Variants in NHS observed in about 807,000 individuals in gnomAD.
NHS encodes the protein NHS actin remodeling regulator.
NHS carries 5 observed loss-of-function variants against 72.5 expected under a neutral mutation model. That is an observed-to-expected ratio of 0.07 (90% CI 0.04 to 0.14). NHS has a LOEUF of 0.14. Ranked by LOEUF, NHS falls within the 10% of genes least tolerant of loss-of-function variation. The pLI is 1.00. For synonymous variants in NHS, 464 were observed against 547.7 expected, an observed-to-expected ratio of 0.85 and a Z score of 2.13; for missense variants, 1,072 against 1,355.7, an observed-to-expected ratio of 0.79 and a Z score of 3.29.
Position 17,721,466 on chromosome X carries a change from C to G in NHS, c.941C>G (p.Thr314Arg), listed in dbSNP as rs897875994. Residue 314 changes from threonine (T) to arginine (R), a missense_variant, in exon 5 of 9, where the codon ACA (threonine) becomes AGA (arginine). Thr to Arg is a moderately conservative substitution (Grantham distance 71). Transcript: ENST00000676302. ...RKSHPPEDED[T>R]DVMLGQRPKN... is the part of the protein sequence containing the mutation. ...TCCCATCCCCCAGAGGATGAAGATA[C>G]AGATGTCATGTTAGGGCAGAGGCCG... 8.3e-7 allele frequency: 1 copy of G among 1,209,450 alleles called. No homozygotes were observed. The highest frequency in any genetic ancestry group is 1.1e-6 in the Non-Finnish European group (1 of 895,056).
chrX:17,558,398 A>G, intron 1 of NHS, among the ~76,000 whole-genome samples: 1 of 112,299 alleles, frequency 8.9e-6, no homozygotes, highest in Non-Finnish European at 1.9e-5. Flanking sequence ...AAGTGCTTTT[A>G]TTTCTTCAAC....
chrX:17,668,218 G>A (rs990974497), intron 1 of NHS, among the ~76,000 whole-genome samples: 2 of 110,783 alleles, frequency 1.8e-5, no homozygotes, highest in Admixed American at 9.6e-5. Flanking sequence ...CTATGATCAC[G>A]TCACTGCACT....
At chrX:17,528,900 A>G (rs895867052) in intron 1 of NHS, 2 of 111,833 alleles carry the variant, frequency 1.8e-5, no homozygotes, top group African/African-American at 6.5e-5. Flanking sequence ...GGGCACTTTC[A>G]CAAATACCAG....
intron 1 of NHS, among the ~76,000 whole-genome samples, chrX:17,658,541 G>A (rs757137376): frequency 8.9e-6 from 1 of 111,995 alleles, no homozygotes; most frequent in Admixed American, 9.4e-5. Flanking sequence ...GGAAGGAAGA[G>A]ACCAGGAAAC....
At chrX:17,693,752 A>G (rs1284385401) in intron 3 of NHS, among the ~76,000 whole-genome samples, 3 of 112,770 alleles carry the variant, frequency 2.7e-5, no homozygotes, top group African/African-American at 9.7e-5. Context: ...CACTTACTAC[A>G]TTGCTGCACT....
chrX:17,668,193 C>T (rs1030707565), intron 1 of NHS, among the ~76,000 whole-genome samples: 1 of 109,965 alleles, frequency 9.1e-6, no homozygotes, highest in Non-Finnish European at 1.9e-5. Context: ...CCCAAGAGGT[C>T]AAGGCTGTAG....
At chrX:17,519,784 G>A (rs1329219453) in intron 1 of NHS, among the ~76,000 whole-genome samples, 1 of 110,661 alleles carries the variant, frequency 9.0e-6, no homozygotes, top group Non-Finnish European at 1.9e-5. Flanking sequence ...GGACTTAGGG[G>A]AAGGAAGAGA....
At chrX:17,722,600 G>A (rs2066412904) in intron 5 of NHS, among the ~76,000 whole-genome samples, 1 of 110,951 alleles carries the variant, frequency 9.0e-6, no homozygotes, top group Non-Finnish European at 1.9e-5. Context: ...TTTTTCCTGA[G>A]AAAAAAGGAG....
chrX:17,430,094 C>A (rs2064680970), intron 1 of NHS, among the ~76,000 whole-genome samples: 1 of 103,091 alleles, frequency 9.7e-6, no homozygotes, highest in Non-Finnish European at 2.0e-5. Flanking sequence ...TTCCTTCCTT[C>A]CTTCCTTCCT....
At chrX:17,429,310 T>C (rs768896887) in intron 1 of NHS, among the ~76,000 whole-genome samples, 1 of 110,858 alleles carries the variant, frequency 9.0e-6, no homozygotes, top group South Asian at 3.9e-4. Flanking sequence ...CTGCAATGTT[T>C]TCCAAGTGCT....
At chrX:17,389,109 TGTCC>T (rs1411186354) in intron 1 of NHS, among the ~76,000 whole-genome samples, 1 of 112,128 alleles carries the variant, frequency 8.9e-6, no homozygotes, top group Non-Finnish European at 1.9e-5. Context: ...ATTTAAAAAG[TGTCC>T]TAACTAATAC....
chrX:17,457,491 A>T (rs1601714990), intron 1 of NHS, among the ~76,000 whole-genome samples: 1 of 110,460 alleles, frequency 9.1e-6, no homozygotes, highest in Admixed American at 9.6e-5. Flanking sequence ...TAGAGTAAGA[A>T]CTCACTCCTG....
intron 1 of NHS, 75 bp from the exon 2 acceptor site, chrX:17,687,667 C>T: frequency 3.5e-6 from 4 of 1,139,799 alleles, no homozygotes; most frequent in Non-Finnish European, 2.4e-6. Context: ...CTCCTGTCCT[C>T]TTCCCCACCC....
intron 3 of NHS, among the ~76,000 whole-genome samples, chrX:17,694,481 G>T (rs16997200): frequency 9.0e-6 from 1 of 111,528 alleles, no homozygotes; most frequent in African/African-American, 3.3e-5. Context: ...TTTGGTGAAG[G>T]CATGCTTTTC....
intron 1 of NHS, among the ~76,000 whole-genome samples, chrX:17,560,876 A>G (rs1367687590): frequency 8.9e-6 from 1 of 112,687 alleles, no homozygotes; most frequent in African/African-American, 3.2e-5. Flanking sequence ...TGCACAAGCA[A>G]ACGGTCCCAC....
intron 1 of NHS, among the ~76,000 whole-genome samples, chrX:17,565,800 G>A (rs561276310): frequency 6.3e-5 from 7 of 111,943 alleles, no homozygotes; most frequent in East Asian, 2.8e-4. Context: ...ATGAATATAC[G>A]CCACATACAA....
At chrX:17,568,973 T>C (rs756768401) in intron 1 of NHS, among the ~76,000 whole-genome samples, 2 of 111,054 alleles carry the variant, frequency 1.8e-5, no homozygotes, top group African/African-American at 6.6e-5. Context: ...GCTTCATCCA[T>C]GTCCCTTCAA....
intron 1 of NHS, chrX:17,635,175 A>G (rs962014674): frequency 1.8e-5 from 8 of 444,155 alleles, no homozygotes; most frequent in African/African-American, 8.0e-5. Flanking sequence ...GCCAACTGCA[A>G]TTGGAGTAGC....
At chrX:17,691,053 C>A (rs995467520) in intron 2 of NHS, among the ~76,000 whole-genome samples, 1 of 111,524 alleles carries the variant, frequency 9.0e-6, no homozygotes, top group East Asian at 2.8e-4. Context: ...TACCTCAGCA[C>A]CAGAAAAAGG....
Sources: gnomAD v4.1 joint callset for allele counts (sites outside exome capture counted in the v4.1 genomes callset) on GRCh38, gnomAD v4.1.1 for gene constraint, MANE v1.5 for transcripts, NCBI Gene and HGNC (gene_info 2026-07-23, HGNC 2026-07-21) for gene names.